The following ADTRP variants were observed in gnomAD, a reference collection of about 807,000 sequenced individuals.
ADTRP encodes androgen-dependent TFPI-regulating protein.
A neutral mutation model predicts 27.0 loss-of-function variants in ADTRP; 20 were observed. The observed-to-expected ratio is 0.74, with a 90% CI of 0.52 to 1.08. The LOEUF is 1.08. Ranked by LOEUF, ADTRP falls within the 50% of genes least tolerant of loss-of-function variation. The pLI, the probability that ADTRP is intolerant of heterozygous loss-of-function variation, is 0.00. For missense variants in ADTRP, 251 were observed against 275.0 expected (o/e 0.91, Z 0.62); for synonymous variants, 101 against 105.2 (o/e 0.96, Z 0.25).
chr6:11,738,052 T>C (rs1762602226), intron 3 of ADTRP, among the ~76,000 whole-genome samples: 1 of 152,194 alleles, frequency 6.6e-6, no homozygotes, highest in Non-Finnish European at 1.5e-5. Context: ...ATACCTCTAG[T>C]GATGCTGCTA....
chr6:11,757,720 T>TGACA (rs1763258719), intron 3 of ADTRP, among the ~76,000 whole-genome samples: 1 of 152,144 alleles, frequency 6.6e-6, no homozygotes, highest in South Asian at 2.1e-4. Flanking sequence ...TGTCATGTGA[T>TGACA]GACAGGGCAG....
intron 3 of ADTRP, among the ~76,000 whole-genome samples, chr6:11,741,159 G>A (rs933938729): frequency 5.9e-5 from 9 of 152,188 alleles, no homozygotes; most frequent in Admixed American, 1.3e-4. Context: ...TGTCAACCTA[G>A]GTGGGCTATC....
intron 5 of ADTRP, among the ~76,000 whole-genome samples, chr6:11,714,957 C>T (rs897621766): frequency 6.6e-6 from 1 of 152,186 alleles, no homozygotes; most frequent in South Asian, 2.1e-4. Context: ...CAAATGAATT[C>T]ATCAGCCTGG....
intron 5 of ADTRP, among the ~76,000 whole-genome samples, chr6:11,716,828 C>A (rs1761846921): frequency 6.6e-6 from 1 of 150,914 alleles, no homozygotes; most frequent in Non-Finnish European, 1.5e-5. Context: ...GTTTCTCCCA[C>A]CTCTCAGCCT....
chr6:11,752,046 T>C (rs552826509), intron 3 of ADTRP, among the ~76,000 whole-genome samples: 1 of 152,336 alleles, frequency 6.6e-6, no homozygotes, highest in Non-Finnish European at 1.5e-5. Context: ...CTTAGTCCTG[T>C]ATGGAATTTA....
chr6:11,760,405 A>G (rs186733442), intron 3 of ADTRP, among the ~76,000 whole-genome samples: 1 of 152,160 alleles, frequency 6.6e-6, no homozygotes, highest in Non-Finnish European at 1.5e-5. Flanking sequence ...TTCTTGAAAC[A>G]TTTTTACACT....
At chr6:11,757,275 T>C (rs1260154945) in intron 3 of ADTRP, among the ~76,000 whole-genome samples, 1 of 152,158 alleles carries the variant, frequency 6.6e-6, no homozygotes, top group Non-Finnish European at 1.5e-5. Flanking sequence ...GATGGCAACA[T>C]CTCTTAAATC....
chr6:11,765,786 T>TA (rs1436765956), intron 3 of ADTRP, among the ~76,000 whole-genome samples: 1 of 152,092 alleles, frequency 6.6e-6, no homozygotes, highest in African/African-American at 2.4e-5. Flanking sequence ...CAAGCCTGAA[T>TA]AAAAAACCAA....
chr6:11,755,678 C>T (rs187123573), intron 3 of ADTRP, among the ~76,000 whole-genome samples: 5 of 152,238 alleles, frequency 3.3e-5, no homozygotes, highest in African/African-American at 1.2e-4. Context: ...AGGTAAATGA[C>T]GGAAAAGATT....
chr6:11,714,511 A>G lies in ADTRP; in HGVS notation c.660T>C (p.Gly220=), dbSNP rs756105850. ...LGEKLNHWKW[G]DMRQPRKKRK ...TCTTCTTCCGTGGCTGCCTCATGTCACCTGTACAAACAAGAACAGAGACAG... is the reference window on the plus strand; with the variant it reads ...TCTTCTTCCGTGGCTGCCTCATGTCGCCTGTACAAACAAGAACAGAGACAG... The change falls in exon 6 of 6, where the codon GGT becomes GGC. Residue 220 remains glycine (G), a splice_region_variant and synonymous_variant. Coordinates refer to ENST00000414691, the MANE Select transcript of ADTRP (RefSeq NM_032744.4). 1.9e-6 allele frequency: 3 copies of G among 1,613,216 alleles called. No homozygotes were observed. The highest frequency in any genetic ancestry group is 2.5e-6 in the Non-Finnish European group (3 of 1,179,864).
chr6:11,717,271 C>A (rs1300773096), intron 5 of ADTRP: 2 of 1,301,002 alleles, frequency 1.5e-6, no homozygotes, highest in Admixed American at 4.6e-5. Flanking sequence ...CAGATAGTAG[C>A]AAGGGCTAGA....
At chr6:11,722,906 G>A (rs1378043994) in intron 5 of ADTRP, among the ~76,000 whole-genome samples, 1 of 152,126 alleles carries the variant, frequency 6.6e-6, no homozygotes, top group East Asian at 1.9e-4. Flanking sequence ...GTTGGGAGGA[G>A]GTGGGAGGAG....
intron 1 of ADTRP, among the ~76,000 whole-genome samples, chr6:11,776,792 G>C (rs1355318012): frequency 1.3e-5 from 2 of 152,186 alleles, no homozygotes; most frequent in Non-Finnish European, 2.9e-5. Context: ...AACCCGAAAG[G>C]CTGGTTGGGC....
At chr6:11,768,714 A>T (rs931097672) in intron 1 of ADTRP, among the ~76,000 whole-genome samples, 9 of 152,182 alleles carry the variant, frequency 5.9e-5, no homozygotes, top group Non-Finnish European at 1.5e-5. Context: ...CAGAGGTTGG[A>T]AGAACCAAAT....
At chr6:11,723,605 C>T in intron 4 of ADTRP, 105 bp from the exon 5 acceptor site, 1 of 1,329,864 alleles carries the variant, frequency 7.5e-7, no homozygotes, top group Non-Finnish European at 1.0e-6. Flanking sequence ...GGAAGAGAAC[C>T]CATCAGGGAC....
intron 4 of ADTRP, among the ~76,000 whole-genome samples, chr6:11,730,699 C>T (rs1762355538): frequency 6.6e-6 from 1 of 152,220 alleles, no homozygotes; most frequent in Non-Finnish European, 1.5e-5. Flanking sequence ...AAGTAATTCT[C>T]TCTCTTGCCT....
intron 1 of ADTRP, among the ~76,000 whole-genome samples, chr6:11,775,901 G>T (rs1763942264): frequency 6.6e-6 from 1 of 152,182 alleles, no homozygotes; most frequent in African/African-American, 2.4e-5. Context: ...ATCAGGACTG[G>T]ATACTAACTT....
At chr6:11,758,582 G>GT (rs1561767001) in intron 3 of ADTRP, among the ~76,000 whole-genome samples, 1 of 117,424 alleles carries the variant, frequency 8.5e-6, no homozygotes, top group East Asian at 3.2e-4. Flanking sequence ...GGGTGGGGGG[G>GT]GGGGACGGAT....
chr6:11,734,424 T>C (rs1052324187), intron 4 of ADTRP, among the ~76,000 whole-genome samples: 1 of 152,222 alleles, frequency 6.6e-6, no homozygotes, highest in Non-Finnish European at 1.5e-5. Context: ...ATTCCCTTTG[T>C]TAAAATGTAA....
Sources: gnomAD v4.1 joint callset for allele counts (sites outside exome capture counted in the v4.1 genomes callset) on GRCh38, gnomAD v4.1.1 for gene constraint, MANE v1.5 for transcripts, NCBI Gene and HGNC (gene_info 2026-07-23, HGNC 2026-07-21) for gene names.